CCSER1: variants seen among roughly 807,000 people sequenced by gnomAD.
The protein encoded by CCSER1 is coiled-coil serine rich protein 1.
A neutral mutation model predicts 82.0 loss-of-function variants in CCSER1; 41 were observed. The ratio of observed to expected loss-of-function variants is 0.50; its 90% CI spans 0.39 to 0.65. The LOEUF (loss-of-function observed/expected upper bound fraction) is 0.65, where lower values mean the gene tolerates loss of function less well. Among genes scored for constraint, CCSER1 ranks in the 30% least tolerant of loss-of-function variants. The pLI, the probability that CCSER1 is intolerant of heterozygous loss-of-function variation, is 0.00. For synonymous variants in CCSER1, 414 were observed against 383.9 expected, an observed-to-expected ratio of 1.08 and a Z score of -0.92; for missense variants, 1,119 against 1,064.2, an observed-to-expected ratio of 1.05 and a Z score of -0.72.
intron 5 of CCSER1, among the ~76,000 whole-genome samples, chr4:90,559,796 CG>C (rs1371615065): frequency 1.6e-5 from 2 of 126,290 alleles, no homozygotes; most frequent in African/African-American, 3.2e-5. Flanking sequence ...GGAGACAGAC[CG>C]AGACTCCGTC....
At chr4:90,163,603 G>A (rs1258138870) in intron 1 of CCSER1, among the ~76,000 whole-genome samples, 1 of 151,980 alleles carries the variant, frequency 6.6e-6, no homozygotes, top group African/African-American at 2.4e-5. Context: ...TTTTTTACAT[G>A]TAGTATCTAA....
At chr4:91,356,002 G>T (rs1748803904) in intron 10 of CCSER1, among the ~76,000 whole-genome samples, 1 of 152,206 alleles carries the variant, frequency 6.6e-6, no homozygotes, top group Non-Finnish European at 1.5e-5. Context: ...ATTGGCTAAT[G>T]GTGTCCTTTG....
At chr4:90,327,148 TG>T (rs2153492456) in intron 3 of CCSER1, among the ~76,000 whole-genome samples, 1 of 152,276 alleles carries the variant, frequency 6.6e-6, no homozygotes, top group East Asian at 1.9e-4. Context: ...CATTTTCCCC[TG>T]TAAGAGGGAA....
At chr4:91,339,380 A>G (rs749254121) in intron 10 of CCSER1, among the ~76,000 whole-genome samples, 3 of 152,078 alleles carry the variant, frequency 2.0e-5, no homozygotes, top group Admixed American at 1.3e-4. Flanking sequence ...TCACTTATGA[A>G]TCTTTGTTTT....
intron 10 of CCSER1, among the ~76,000 whole-genome samples, chr4:91,563,028 G>A (rs1043508284): frequency 5.9e-5 from 9 of 151,474 alleles, no homozygotes; most frequent in Admixed American, 2.0e-4. Flanking sequence ...AACAAGTAAG[G>A]AAATTGAATT....
chr4:91,538,698 C>CATATATTATATATATATACAATAT, intron 10 of CCSER1, among the ~76,000 whole-genome samples: 1 of 138,340 alleles, frequency 7.2e-6, no homozygotes, highest in African/African-American at 2.8e-5. Context: ...TATATATACA[C>CATATATTATATATATATACAATAT]ATATATATAT....
chr4:90,386,936 G>A (rs1750153347), intron 3 of CCSER1, among the ~76,000 whole-genome samples: 1 of 152,082 alleles, frequency 6.6e-6, no homozygotes, highest in South Asian at 2.1e-4. Context: ...TAGCTGAAAT[G>A]ATCTGTTCAT....
At chr4:90,596,952 G>T (rs1439546632) in intron 5 of CCSER1, among the ~76,000 whole-genome samples, 6 of 151,756 alleles carry the variant, frequency 4.0e-5, no homozygotes, top group Non-Finnish European at 5.9e-5. Context: ...AATTTCTTAT[G>T]GACATTTAAA....
At chr4:91,112,254 AAGATCT>A (rs1726157899) in intron 10 of CCSER1, among the ~76,000 whole-genome samples, 1 of 152,042 alleles carries the variant, frequency 6.6e-6, no homozygotes, top group Non-Finnish European at 1.5e-5. Flanking sequence ...ACGTTTCCTA[AAGATCT>A]TTGTCTTGTA....
chr4:90,591,855 TAA>T (rs1162670784), intron 5 of CCSER1, among the ~76,000 whole-genome samples: 2 of 152,000 alleles, frequency 1.3e-5, no homozygotes, highest in Non-Finnish European at 1.5e-5. Flanking sequence ...CACGCTGCCA[TAA>T]AAAAGAATGA....
At chr4:90,330,537 T>A (rs1191457532) in intron 3 of CCSER1, among the ~76,000 whole-genome samples, 1 of 152,104 alleles carries the variant, frequency 6.6e-6, no homozygotes, top group African/African-American at 2.4e-5. Flanking sequence ...CCAGAGTACA[T>A]TGATGCTAAA....
chr4:90,343,689 C>A (rs1051155317), intron 3 of CCSER1, among the ~76,000 whole-genome samples: 10 of 152,106 alleles, frequency 6.6e-5, no homozygotes, highest in South Asian at 4.2e-4. Flanking sequence ...ATTCTCACAC[C>A]AGACTTTTTG....
At chr4:90,299,148 C>G (rs1347561500) in intron 1 of CCSER1, among the ~76,000 whole-genome samples, 1 of 152,066 alleles carries the variant, frequency 6.6e-6, no homozygotes, top group Admixed American at 6.6e-5. Context: ...TTCCTAAATC[C>G]TGCTAGAATA....
intron 4 of CCSER1, among the ~76,000 whole-genome samples, chr4:90,448,793 TTC>T (rs1192257872): frequency 6.6e-6 from 1 of 152,042 alleles, no homozygotes; most frequent in African/African-American, 2.4e-5. Context: ...TCTTCTCTCC[TTC>T]TCTCTTTTGT....
chr4:90,409,738 G>T (rs768039325), intron 4 of CCSER1, among the ~76,000 whole-genome samples: 3 of 152,108 alleles, frequency 2.0e-5, no homozygotes, highest in African/African-American at 4.8e-5. Flanking sequence ...AGCAAAATAA[G>T]CAGCTAACAT....
intron 6 of CCSER1, among the ~76,000 whole-genome samples, chr4:90,629,104 A>G (rs943453206): frequency 6.6e-6 from 1 of 152,168 alleles, no homozygotes; most frequent in East Asian, 1.9e-4. Flanking sequence ...TTTAGAATTA[A>G]TGGTCCCTAT....
chr4:90,850,292 C>T (rs1763722611), intron 8 of CCSER1, among the ~76,000 whole-genome samples: 1 of 152,172 alleles, frequency 6.6e-6, no homozygotes, highest in South Asian at 2.1e-4. Flanking sequence ...CCAGTGGGGA[C>T]TCTATATGGG....
At chr4:90,485,792 T>A (rs1766940087) in intron 5 of CCSER1, among the ~76,000 whole-genome samples, 1 of 152,162 alleles carries the variant, frequency 6.6e-6, no homozygotes, top group African/African-American at 2.4e-5. Context: ...AGGGAGAAAA[T>A]ACAGTATGTG....
intron 5 of CCSER1, among the ~76,000 whole-genome samples, chr4:90,482,666 A>T (rs554401163): frequency 6.6e-6 from 1 of 152,086 alleles, no homozygotes; most frequent in Admixed American, 6.6e-5. Context: ...TTCAGTTTCC[A>T]TGTAGTTGAG....
Sources: gnomAD v4.1 joint callset for allele counts (sites outside exome capture counted in the v4.1 genomes callset) on GRCh38, gnomAD v4.1.1 for gene constraint, MANE v1.5 for transcripts, NCBI Gene and HGNC (gene_info 2026-07-23, HGNC 2026-07-21) for gene names.